KANSL1L: variants seen among roughly 807,000 people sequenced by gnomAD.
KANSL1L encodes the protein KAT8 regulatory NSL complex subunit 1-like protein.
In KANSL1L, 25 loss-of-function variants were observed where a neutral mutation model predicts 108.6. The observed-to-expected ratio is 0.23, with a 90% CI of 0.17 to 0.32. The LOEUF (loss-of-function observed/expected upper bound fraction) is 0.32, where lower values mean the gene tolerates loss of function less well. Among genes scored for constraint, KANSL1L ranks in the 10% least tolerant of loss-of-function variants. The pLI, the probability that KANSL1L is intolerant of heterozygous loss-of-function variation, is 1.00. For synonymous variants in KANSL1L, 405 were observed against 395.1 expected, an observed-to-expected ratio of 1.03 and a Z score of -0.30; for missense variants, 1,137 against 1,125.7, an observed-to-expected ratio of 1.01 and a Z score of -0.14.
intron 9 of KANSL1L, chr2:210,030,674 A>G (rs2094004773): frequency 6.6e-6 from 1 of 151,790 alleles, no homozygotes; most frequent in African/African-American, 2.4e-5. Context: ...AAATATCTCC[A>G]TTTGTTAAAA....
At chr2:210,076,930 G>A (rs996451163) in intron 5 of KANSL1L, among the ~76,000 whole-genome samples, 2 of 151,964 alleles carry the variant, frequency 1.3e-5, no homozygotes, top group Non-Finnish European at 2.9e-5. Context: ...CAATATATAA[G>A]TTCTAAATAT....
At chr2:210,111,315 G>GA (rs1334110005) in intron 3 of KANSL1L, among the ~76,000 whole-genome samples, 3 of 151,924 alleles carry the variant, frequency 2.0e-5, no homozygotes, top group Non-Finnish European at 2.9e-5. Flanking sequence ...CAATAAAAAA[G>GA]AAAAAATTAC....
At chr2:210,092,036 TCTAA>T (rs2094696874) in intron 5 of KANSL1L, among the ~76,000 whole-genome samples, 1 of 152,212 alleles carries the variant, frequency 6.6e-6, no homozygotes, top group African/African-American at 2.4e-5. Context: ...CAGCTATCCG[TCTAA>T]CTATGTTTCA....
intron 5 of KANSL1L, 178 bp downstream of exon 5, chr2:210,097,908 C>A: frequency 2.7e-6 from 1 of 374,234 alleles, no homozygotes; most frequent in Admixed American, 4.8e-5. Flanking sequence ...TTATCATTAC[C>A]TTAATTGTGT....
intron 5 of KANSL1L, chr2:210,080,457 G>A (rs552821257): frequency 2.0e-4 from 30 of 152,328 alleles, no homozygotes; most frequent in African/African-American, 7.2e-4. Flanking sequence ...TCAGCAGGCT[G>A]AGGCAGGAGG....
chr2:210,147,277 T>C (rs192055003), intron 2 of KANSL1L, among the ~76,000 whole-genome samples: 12 of 152,156 alleles, frequency 7.9e-5, no homozygotes, highest in African/African-American at 2.6e-4. Context: ...CTGGGCAACA[T>C]AGCTAAACCT....
intron 6 of KANSL1L, among the ~76,000 whole-genome samples, chr2:210,071,726 A>T (rs190404515): frequency 9.2e-5 from 14 of 152,316 alleles, no homozygotes; most frequent in Admixed American, 8.5e-4. Flanking sequence ...GTTCTTAGGG[A>T]CACAGTTCAA....
intron 9 of KANSL1L, chr2:210,030,723 A>G (rs901979936): frequency 1.3e-5 from 2 of 152,030 alleles, no homozygotes; most frequent in African/African-American, 4.8e-5. Flanking sequence ...ATAAGGATCT[A>G]TATATAAAAA....
intron 3 of KANSL1L, among the ~76,000 whole-genome samples, chr2:210,114,155 AAAAGAAAGAATCT>A (rs1481209180): frequency 6.6e-6 from 1 of 152,202 alleles, no homozygotes; most frequent in Non-Finnish European, 1.5e-5. Context: ...CTGAATGACA[AAAAGAAAGAATCT>A]TGAAAGCGGC....
chr2:210,024,238 T>C (rs1360913827), intron 13 of KANSL1L, 37 bp from the exon 14 acceptor site: 2 of 1,493,624 alleles, frequency 1.3e-6, no homozygotes, highest in Non-Finnish European at 1.8e-6. Context: ...TTATTTTTTA[T>C]TTTTTGAGGT....
At chr2:210,072,605 A>C (rs1404274888) in intron 6 of KANSL1L, among the ~76,000 whole-genome samples, 1 of 152,140 alleles carries the variant, frequency 6.6e-6, no homozygotes, top group East Asian at 1.9e-4. Context: ...TCTCATAAGG[A>C]GCACACAACC....
chr2:210,154,928 A>C (rs2095324869), intron 1 of KANSL1L, among the ~76,000 whole-genome samples: 1 of 152,166 alleles, frequency 6.6e-6, no homozygotes, highest in African/African-American at 2.4e-5. Flanking sequence ...AAGAAAAAAA[A>C]AAATCCAGCC....
At chr2:210,155,903 T>G (rs2095330661) in intron 1 of KANSL1L, among the ~76,000 whole-genome samples, 1 of 152,204 alleles carries the variant, frequency 6.6e-6, no homozygotes, top group African/African-American at 2.4e-5. Flanking sequence ...CTCTACTTCC[T>G]TTATTCCTAC....
intron 6 of KANSL1L, among the ~76,000 whole-genome samples, chr2:210,066,210 C>T (rs2125296412): frequency 6.6e-6 from 1 of 152,250 alleles, no homozygotes; most frequent in South Asian, 2.1e-4. Context: ...TTGGGAGGCA[C>T]AGAGAGTGAA....
chr2:210,137,722 A>G (rs2095187134), intron 2 of KANSL1L, among the ~76,000 whole-genome samples: 1 of 152,104 alleles, frequency 6.6e-6, no homozygotes. Context: ...GGGTGGGAAA[A>G]TAATATAATA....
At chr2:210,110,974 C>T (rs1352788303) in intron 3 of KANSL1L, among the ~76,000 whole-genome samples, 2 of 151,814 alleles carry the variant, frequency 1.3e-5, no homozygotes, top group East Asian at 1.9e-4. Context: ...TAGCCAGGTG[C>T]GCTGGTGCAT....
At chr2:210,136,711 A>T (rs551828785) in intron 2 of KANSL1L, among the ~76,000 whole-genome samples, 1 of 152,302 alleles carries the variant, frequency 6.6e-6, no homozygotes, top group Non-Finnish European at 1.5e-5. Flanking sequence ...GCTCAGTGGA[A>T]GGAAAATCTT....
intron 6 of KANSL1L, among the ~76,000 whole-genome samples, chr2:210,073,701 A>T (rs1207476722): frequency 6.6e-6 from 1 of 152,076 alleles, no homozygotes. Context: ...ATAAAGAAAA[A>T]AAAGAAAGTT....
chr2:210,157,012 G>T (rs548142574), intron 1 of KANSL1L, among the ~76,000 whole-genome samples: 90 of 151,304 alleles, frequency 5.9e-4, no homozygotes, highest in African/African-American at 2.0e-3. Flanking sequence ...AAAAAAGATG[G>T]TTTTTTTCAG....
Sources: gnomAD v4.1 joint callset for allele counts (sites outside exome capture counted in the v4.1 genomes callset) on GRCh38, gnomAD v4.1.1 for gene constraint, MANE v1.5 for transcripts, NCBI Gene and HGNC (gene_info 2026-07-23, HGNC 2026-07-21) for gene names.